The following TPRN variants were observed in gnomAD, a reference collection of about 807,000 sequenced individuals.
TPRN encodes chromosome 9 open reading frame 75.
In TPRN, 32 loss-of-function variants were observed where a neutral mutation model predicts 42.6. The observed-to-expected ratio is 0.75, with a 90% CI of 0.57 to 1.01. The LOEUF (loss-of-function observed/expected upper bound fraction) is 1.01. Among genes scored for constraint, TPRN ranks in the 50% least tolerant of loss-of-function variants. The pLI, the probability that TPRN is intolerant of heterozygous loss-of-function variation, is 0.00. For missense variants in TPRN, 1,095 were observed against 957.5 expected, an observed-to-expected ratio of 1.14 and a Z score of -1.90; for synonymous variants, 541 against 445.6, an observed-to-expected ratio of 1.21 and a Z score of -2.70.
At chr9:137,192,224 G>C in intron 3 of TPRN, 35 bp downstream of exon 3, 1 of 1,613,282 alleles carries the variant, frequency 6.2e-7, no homozygotes, top group Non-Finnish European at 8.5e-7. Context: ...CCGGGTGTCA[G>C]ACTCCCCCCA....
intron 1 of TPRN, chr9:137,194,171 CAAG>C (rs1256721291): frequency 2.6e-5 from 4 of 152,360 alleles, no homozygotes; most frequent in Non-Finnish European, 5.9e-5. Context: ...CCAGACAAAA[CAAG>C]GAGGAAAGCA....
Position 137,192,166 on chromosome 9 carries a change from G to A in TPRN, c.2082C>T (p.Pro694=), listed in dbSNP as rs138225372. 2.0e-5 allele frequency: 33 copies of A among 1,613,658 alleles called. No individual in the cohort carries two copies. The African/African-American group carries it at 2.7e-4, about 13-fold the overall frequency. ...EPPPVEAMLT[P]ASQNDLSDFR... is the part of the protein sequence containing the mutation. ...AGTCCGAGAGGTCATTCTGACTGGC[G>A]GGTGTGAGCTGAAAGTGAGAGGACA... The change falls in exon 4 of 4, where the codon CCC becomes CCT. Residue 694 remains proline (P), a synonymous_variant. Coordinates refer to ENST00000409012, the MANE Select transcript of TPRN (RefSeq NM_001128228.3).
rs1564383332 is a variant in TPRN, at chr9:137,192,581, C to CTCT, written c.1835_1836insAGA (p.Glu621dup). 2 of 1,611,786 alleles carry CTCT rather than the reference C, an allele frequency of 1.2e-6. No individual in the cohort carries two copies. The highest frequency in any genetic ancestry group is 1.7e-6 in the Non-Finnish European group (2 of 1,179,118). On this transcript the variant is annotated inframe_insertion, in exon 2 of 4. Coordinates refer to ENST00000409012, the MANE Select transcript of TPRN (RefSeq NM_001128228.3). ...CTTCCTCCTCTTCCTCTTCCTCCTCCTCCTCCTCCTCCTCCTCCTGCTGGT... is the reference window on the plus strand; with the variant it reads ...CTTCCTCCTCTTCCTCTTCCTCCTCCTCTTCCTCCTCCTCCTCCTCCTGCTGGT...
In TPRN at chr9:137,199,345, G is replaced by A; in HGVS notation, c.1367C>T (p.Thr456Ile). The change falls in exon 1 of 4, where the codon ACC becomes ATC. Residue 456 changes from threonine (T) to isoleucine (I), a missense_variant. By Grantham distance (89) the Thr-to-Ile change is moderately conservative. Transcript: ENST00000409012. ...REYVRPGLPVTFIDEVDSEEA... is the reference protein window; with the variant it reads ...REYVRPGLPVIFIDEVDSEEA... Reference sequence around the variant, plus strand: ...CTCCGAGTCTACCTCATCGATGAAGGTGACAGGCAGCCCCGGCCTCACATA... The same window carrying A: ...CTCCGAGTCTACCTCATCGATGAAGATGACAGGCAGCCCCGGCCTCACATA... The A allele has an allele frequency of 1.2e-6, 2 of 1,612,774 alleles. No homozygotes were observed. The highest frequency in any genetic ancestry group is 2.2e-5 in the East Asian group (1 of 44,872).
Position 137,200,645 on chromosome 9 carries a change from G to T in TPRN, c.67C>A (p.Leu23Met). Reference protein sequence around the residue: ...AAVPAWKREILERKRAKLAAL... With the variant: ...AAVPAWKREIMERKRAKLAAL... ...GCTAGCTTGGCCCGCTTCCGCTCCAGGATCTCACGCTTCCAAGCGGGCACC... is the reference window on the plus strand; with the variant it reads ...GCTAGCTTGGCCCGCTTCCGCTCCATGATCTCACGCTTCCAAGCGGGCACC... Residue 23 changes from leucine (L) to methionine (M), a missense_variant, in exon 1 of 4, where the codon CTG (leucine) becomes ATG (methionine). Coordinates refer to ENST00000409012, the MANE Select transcript of TPRN (RefSeq NM_001128228.3). This position sits in a 1 kb window ranked among gnomAD's most constrained non-coding sequence, Gnocchi z 4.3. 1 of 1,238,050 alleles carries T rather than the reference G, an allele frequency of 8.1e-7. No individual in the cohort carries two copies. Among genetic ancestry groups the T allele is most frequent in the Non-Finnish European group, 1.0e-6 (1 of 981,344 alleles). 76.7% of individuals were successfully genotyped at this position (1,238,050 alleles called of 1,614,324 possible).
In TPRN at chr9:137,200,154, C is replaced by T; in HGVS notation, c.558G>A (p.Gly186=). ...PPAAPGPRGG[G]ASPGARRSDF... Reference sequence around the variant, plus strand: ...CGCTGCGCCGGGCCCCGGGGCTCGCCCCGCCACCGCGGGGCCCGGGCGCGG... The same window carrying T: ...CGCTGCGCCGGGCCCCGGGGCTCGCTCCGCCACCGCGGGGCCCGGGCGCGG... The change falls in exon 1 of 4, where the codon GGG becomes GGA. Residue 186 remains glycine (G), a synonymous_variant. Transcript: ENST00000409012. The surrounding 1 kb of genome is among the most constrained non-coding windows in gnomAD (Gnocchi z 4.3). The T allele has an allele frequency of 1.7e-6, 2 of 1,206,156 alleles. No individual in the cohort carries two copies. The highest frequency in any genetic ancestry group is 2.1e-6 in the Non-Finnish European group (2 of 973,410). 74.7% of individuals were successfully genotyped at this position (1,206,156 alleles called of 1,614,324 possible).
intron 1 of TPRN, chr9:137,194,647 C>A (rs535742599): frequency 5.9e-5 from 9 of 152,308 alleles, no homozygotes; most frequent in African/African-American, 1.9e-4. Context: ...CCTGGCCAGG[C>A]GGTGCGGGGC....
chr9:137,199,959 C>T lies in TPRN; in HGVS notation c.753G>A (p.Lys251=). The change falls in exon 1 of 4, where the codon AAG becomes AAA. Residue 251 remains lysine, a synonymous_variant. Coordinates refer to ENST00000409012, the MANE Select transcript of TPRN (RefSeq NM_001128228.3). ...SPPGSGQWKP[K]VESGDPSLHP... ...GGAGGGAGGGATCCCCCGACTCCAC[C>T]TTTGGCTTCCACTGTCCCGACCCAG... is the stretch of plus-strand genomic sequence containing the variant. The T allele has an allele frequency of 6.7e-7, 1 of 1,481,922 alleles. No homozygotes were observed. The highest frequency in any genetic ancestry group is 1.3e-5 in the South Asian group (1 of 74,620). The allele number at this position is 1,481,922 out of a possible 1,614,324, so 91.8% of individuals were successfully genotyped here.
chr9:137,199,027 T>C lies in TPRN; in HGVS notation c.1685A>G (p.Gln562Arg), dbSNP rs1834748531. ...IEVIGGYLAL[Q>R]KSCLTKAGSS... ...GCCAGCCTTGGTGAGGCAGGACTTCTGCAGGGCCAGGTAGCCGCCAATCAC... is the reference window on the plus strand; with the variant it reads ...GCCAGCCTTGGTGAGGCAGGACTTCCGCAGGGCCAGGTAGCCGCCAATCAC... The change falls in exon 1 of 4, where the codon CAG becomes CGG. Residue 562 changes from glutamine (Q) to arginine (R), a missense_variant. Transcript: ENST00000409012. 1.2e-6 allele frequency: 2 copies of C among 1,612,990 alleles called. No individual in the cohort carries two copies. Among genetic ancestry groups the C allele is most frequent in the Non-Finnish European group, 8.5e-7 (1 of 1,180,008 alleles).
Position 137,200,515 on chromosome 9 carries a change from G to T in TPRN, c.197C>A (p.Ala66Asp). Residue 66 changes from alanine to aspartate, a missense_variant, in exon 1 of 4, where the codon GCC becomes GAC. Ala to Asp is a moderately radical substitution (Grantham distance 126). Transcript: ENST00000409012. This position sits in a 1 kb window ranked among gnomAD's most constrained non-coding sequence, Gnocchi z 4.3. ...CGCGCCCCCGCCGCGCCGCCGCTCGGCCTCCAGCAGCATGAACGGGTTCTC... is the reference window on the plus strand; with the variant it reads ...CGCGCCCCCGCCGCGCCGCCGCTCGTCCTCCAGCAGCATGAACGGGTTCTC... ...LRENPFMLLE[A>D]ERRRGGGAAG... 1 of 1,166,010 alleles carries T rather than the reference G, an allele frequency of 8.6e-7. No homozygotes were observed. The highest frequency in any genetic ancestry group is 1.1e-6 in the Non-Finnish European group (1 of 942,744). 72.2% of individuals were successfully genotyped at this position (1,166,010 alleles called of 1,614,324 possible). A position where few individuals can be genotyped will look rare whatever the true frequency, so the allele number is the denominator to read the frequency against.
chr9:137,200,663 C>T lies in TPRN; in HGVS notation c.49G>A (p.Ala17Thr). The change falls in exon 1 of 4, where the codon GCT becomes ACT. Residue 17 changes from alanine (A) to threonine (T), a missense_variant. By Grantham distance (58) the Ala-to-Thr change is moderately conservative. Coordinates refer to ENST00000409012, the MANE Select transcript of TPRN (RefSeq NM_001128228.3). This position sits in a 1 kb window ranked among gnomAD's most constrained non-coding sequence, Gnocchi z 4.3. Reference sequence around the variant, plus strand: ...CGCTCCAGGATCTCACGCTTCCAAGCGGGCACCGCAGCGCGCGGCCCCGAG... The same window carrying T: ...CGCTCCAGGATCTCACGCTTCCAAGTGGGCACCGCAGCGCGCGGCCCCGAG... ...PGSGPRAAVP[A>T]WKREILERKR... is the part of the protein sequence containing the mutation. 8.1e-7 allele frequency: 1 copy of T among 1,236,544 alleles called. No individual in the cohort carries two copies. Among genetic ancestry groups the T allele is most frequent in the Non-Finnish European group, 1.0e-6 (1 of 979,164 alleles). The allele number at this position is 1,236,544 out of a possible 1,614,324, so 76.6% of individuals were successfully genotyped here.
rs1030406906 is a variant in TPRN, at chr9:137,197,036, G to A, written c.1725+1951C>T. ...ATCTTCCTGCTCCTGTTGGCCCTCCGGCCCCCACCCTGCCCTTCTGACCCT... is the reference window on the plus strand; with the variant it reads ...ATCTTCCTGCTCCTGTTGGCCCTCCAGCCCCCACCCTGCCCTTCTGACCCT... On this transcript the variant is annotated intron_variant, in intron 1 of 3. Coordinates refer to ENST00000409012, the MANE Select transcript of TPRN (RefSeq NM_001128228.3). Among the ~76,000 whole-genome samples, 5 of 152,104 alleles carry A rather than the reference G, an allele frequency of 3.3e-5. No individual in the cohort carries two copies. In the East Asian group the frequency reaches 5.8e-4, roughly 18 times the overall value.
At position 137,192,165 on chromosome 9, in the gene TPRN, C is replaced by A; in HGVS notation, c.2083G>T (p.Ala695Ser). 6.2e-7 allele frequency: 1 copy of A among 1,613,590 alleles called. No homozygotes were observed. The highest frequency in any genetic ancestry group is 1.7e-5 in the Admixed American group (1 of 60,028). Residue 695 changes from alanine (A) to serine (S), a missense_variant, in exon 4 of 4, where the codon GCC becomes TCC. By Grantham distance (99) the Ala-to-Ser change is moderately conservative. Coordinates refer to ENST00000409012, the MANE Select transcript of TPRN (RefSeq NM_001128228.3). ...PPPVEAMLTP[A>S]SQNDLSDFRS... Reference sequence around the variant, plus strand: ...AAGTCCGAGAGGTCATTCTGACTGGCGGGTGTGAGCTGAAAGTGAGAGGAC... The same window carrying A: ...AAGTCCGAGAGGTCATTCTGACTGGAGGGTGTGAGCTGAAAGTGAGAGGAC...
chr9:137,199,516 C>G lies in TPRN; in HGVS notation c.1196G>C (p.Cys399Ser). 1 of 1,574,820 alleles carries G rather than the reference C, an allele frequency of 6.3e-7. No individual in the cohort carries two copies. Among genetic ancestry groups the G allele is most frequent in the Non-Finnish European group, 8.6e-7 (1 of 1,160,822 alleles). Residue 399 changes from cysteine (C) to serine (S), a missense_variant, in exon 1 of 4, where the codon TGT (cysteine) becomes TCT (serine). Cys to Ser is a moderately radical substitution (Grantham distance 112). Coordinates refer to ENST00000409012, the MANE Select transcript of TPRN (RefSeq NM_001128228.3). Reference protein sequence around the residue: ...EAQWAVEEGACPRTATALADR... With the variant: ...EAQWAVEEGASPRTATALADR... ...AGCGAGGGCGGTGGCTGTCCTGGGA[C>G]AGGCCCCCTCCTCGACTGCCCACTG...
In TPRN at chr9:137,200,675, C is replaced by T. The variant is rs1327281479; in HGVS notation, c.37G>A (p.Ala13Thr). The change falls in exon 1 of 4, where the codon GCT (alanine) becomes ACT (threonine). Residue 13 changes from alanine to threonine, a missense_variant. Transcript: ENST00000409012. The surrounding 1 kb of genome is among the most constrained non-coding windows in gnomAD (Gnocchi z 4.3). ...ALGRPGSGPRAAVPAWKREIL... is the reference protein window; with the variant it reads ...ALGRPGSGPRTAVPAWKREIL... ...TCACGCTTCCAAGCGGGCACCGCAG[C>T]GCGCGGCCCCGAGCCCGGCCGCCCC... The T allele has an allele frequency of 8.1e-6, 10 of 1,227,608 alleles. No homozygotes were observed. The highest frequency in any genetic ancestry group is 1.6e-5 in the African/African-American group (1 of 61,980). 76.0% of individuals were successfully genotyped at this position (1,227,608 alleles called of 1,614,324 possible). A position where few individuals can be genotyped will look rare whatever the true frequency, so the allele number is the denominator to read the frequency against.
At position 137,199,408 on chromosome 9, in the gene TPRN, C is replaced by A; in HGVS notation, c.1304G>T (p.Gly435Val). The A allele has an allele frequency of 6.2e-7, 1 of 1,612,386 alleles. No individual in the cohort carries two copies. The highest frequency in any genetic ancestry group is 8.5e-7 in the Non-Finnish European group (1 of 1,179,826). Residue 435 changes from glycine (G) to valine (V), a missense_variant, in exon 1 of 4, where the codon GGC becomes GTC. Coordinates refer to ENST00000409012, the MANE Select transcript of TPRN (RefSeq NM_001128228.3). ...CTTGGCCAAGCCAGGAACCCTGAGG[C>A]CCTCAGCAGGCTCAGCTTCTTCCGA... ...AASEEAEPAE[G>V]LRVPGLAKNS...
In TPRN at chr9:137,191,825, C is replaced by T. The variant is rs373578835; in HGVS notation, c.*287G>A. 2.9e-5 allele frequency: 15 copies of T among 515,738 alleles called. No individual in the cohort carries two copies. Among genetic ancestry groups the T allele is most frequent in the East Asian group, 2.5e-4 (7 of 28,052 alleles). The allele number at this position is 515,738 out of a possible 1,614,324, so 31.9% of individuals were successfully genotyped here. A position where few individuals can be genotyped will look rare whatever the true frequency, so the allele number is the denominator to read the frequency against. On this transcript the variant is annotated 3_prime_UTR_variant, in exon 4 of 4. Coordinates refer to ENST00000409012, the MANE Select transcript of TPRN (RefSeq NM_001128228.3). ...TGGCCAGGTGCAGAATCTGCACAGC[C>T]CCCTGCCGGGTCGCAGATGGCCACC...
Position 137,199,520 on chromosome 9 carries a change from C to A in TPRN, c.1192G>T (p.Ala398Ser), listed in dbSNP as rs1213473552. ...AGGGCGGTGGCTGTCCTGGGACAGG[C>A]CCCCTCCTCGACTGCCCACTGTGCC... is the stretch of plus-strand genomic sequence containing the variant. ...VEAQWAVEEG[A>S]CPRTATALAD... The change falls in exon 1 of 4, where the codon GCC (alanine) becomes TCC (serine). Residue 398 changes from alanine (A) to serine (S), a missense_variant. Transcript: ENST00000409012. 1 of 1,572,294 alleles carries A rather than the reference C, an allele frequency of 6.4e-7. No homozygotes were observed. Among genetic ancestry groups the A allele is most frequent in the Non-Finnish European group, 8.6e-7 (1 of 1,159,486 alleles).
At position 137,200,523 on chromosome 9, in the gene TPRN, C is replaced by T. The variant is rs2131355481; in HGVS notation, c.189G>A (p.Leu63=). ...LGPLRENPFM[L]LEAERRRGGG... Reference sequence around the variant, plus strand: ...CGCCGCGCCGCCGCTCGGCCTCCAGCAGCATGAACGGGTTCTCGCGCAGCG... The same window carrying T: ...CGCCGCGCCGCCGCTCGGCCTCCAGTAGCATGAACGGGTTCTCGCGCAGCG... Residue 63 remains leucine (L), a synonymous_variant, in exon 1 of 4, where the codon CTG becomes CTA. Coordinates refer to ENST00000409012, the MANE Select transcript of TPRN (RefSeq NM_001128228.3). This position sits in a 1 kb window ranked among gnomAD's most constrained non-coding sequence, Gnocchi z 4.3. 1.7e-6 allele frequency: 2 copies of T among 1,172,248 alleles called. No homozygotes were observed. The highest frequency in any genetic ancestry group is 2.6e-5 in the South Asian group (1 of 38,048). 72.6% of individuals were successfully genotyped at this position (1,172,248 alleles called of 1,614,324 possible).
Sources: allele counts gnomAD v4.1 joint callset (sites outside exome capture counted in the v4.1 genomes callset), GRCh38; gene constraint gnomAD v4.1.1; non-coding constraint Gnocchi (gnomAD v3.1); transcripts MANE v1.5; gene names NCBI Gene and HGNC (gene_info 2026-07-23, HGNC 2026-07-21).